FAAP20: variants seen among roughly 807,000 people sequenced by gnomAD.
The protein encoded by FAAP20 is FA core complex associated protein 20, also known as Fanconi anemia core complex-associated protein 20.
In FAAP20, 12 loss-of-function variants were observed where a neutral mutation model predicts 16.2. That is an observed-to-expected ratio of 0.74 (90% confidence interval 0.48 to 1.20). The LOEUF (loss-of-function observed/expected upper bound fraction) is 1.20. Among genes scored for constraint, FAAP20 ranks in the 50% most tolerant of loss-of-function variants. The pLI is 0.00. For synonymous variants in FAAP20, 141 were observed against 110.7 expected, an observed-to-expected ratio of 1.27 and a Z score of -1.72; for missense variants, 288 against 245.8, an observed-to-expected ratio of 1.17 and a Z score of -1.15.
chr1:2,188,750 A>C (rs757794871), downstream of FAAP20, among the ~76,000 whole-genome samples: 5 of 152,244 alleles, frequency 3.3e-5, no homozygotes, highest in Admixed American at 2.6e-4. Context: ...TCACGCCTGT[A>C]ATCCCAGCAC....
chr1:2,187,313 T>G (rs973433886), downstream of FAAP20: 13 of 394,106 alleles, frequency 3.3e-5, no homozygotes, highest in Admixed American at 3.3e-4. Flanking sequence ...CTTTTTTTTT[T>G]CTTTTTTTTG....
intron 3 of FAAP20, chr1:2,190,305 C>G (rs1364650036): frequency 2.2e-6 from 1 of 456,464 alleles, no homozygotes; most frequent in Admixed American, 2.3e-5. Context: ...GTGCAGGCTG[C>G]CAACCTGCCA....
upstream of FAAP20, among the ~76,000 whole-genome samples, chr1:2,204,413 T>C (rs998511333): frequency 6.6e-6 from 1 of 152,212 alleles, no homozygotes; most frequent in African/African-American, 2.4e-5. Context: ...TTCTCCCAAA[T>C]AGTGACTTCC....
In FAAP20 at chr1:2,189,673, G is replaced by C. The variant is rs376647953; in HGVS notation, c.*36C>G. 1.6e-5 allele frequency: 25 copies of C among 1,590,086 alleles called. No homozygotes were observed. Among genetic ancestry groups the C allele is most frequent in the Admixed American group, 5.0e-5 (3 of 59,810 alleles). On this transcript the variant is annotated 3_prime_UTR_variant, in exon 4 of 4. Coordinates refer to ENST00000378546, the MANE Select transcript of FAAP20 (RefSeq NM_182533.4). ...GCTGCTGGCGGGGGAGAGCGTGTCC[G>C]GGCGCCGCACTCTGCGCAGGGCTCT...
At chr1:2,186,125 C>G (rs1327978816), downstream of FAAP20, 1 of 451,416 alleles carries the variant, frequency 2.2e-6, no homozygotes, top group Non-Finnish European at 4.5e-6. Flanking sequence ...GTCGCGCCAC[C>G]TCATGCCTCT....
chr1:2,195,214 G>C (rs1175539326), upstream of FAAP20, among the ~76,000 whole-genome samples: 3 of 152,262 alleles, frequency 2.0e-5, no homozygotes, highest in African/African-American at 7.2e-5. Flanking sequence ...GGGAACTCAA[G>C]CTCCTTAACC....
At chr1:2,185,321 C>T (rs576203350), downstream of FAAP20, 3 of 718,738 alleles carry the variant, frequency 4.2e-6, no homozygotes, top group African/African-American at 1.7e-5. Context: ...AAACAGAACT[C>T]GATGCACTGA....
chr1:2,201,965 C>T (rs1196970342), upstream of FAAP20, among the ~76,000 whole-genome samples: 1 of 148,194 alleles, frequency 6.7e-6, no homozygotes, highest in African/African-American at 2.5e-5. Context: ...TGCAGTGAGC[C>T]GAGATAGTGC....
rs1321864115 is a variant in FAAP20, at chr1:2,194,088, C to T, written c.108G>A (p.Arg36=). ...GCAGTAGCTCGGCCCAGAGCCGCTC[C>T]CGCTCATCACCCCCCAGGAGAAACC... ...RPWFLLGGDE[R]ERLWAELLRT... The change falls in exon 2 of 4, where the codon CGG becomes CGA. Residue 36 remains arginine, a synonymous_variant. Transcript: ENST00000378546. 1 of 1,612,544 alleles carries T rather than the reference C, an allele frequency of 6.2e-7. No individual in the cohort carries two copies. Among genetic ancestry groups the T allele is most frequent in the Admixed American group, 1.7e-5 (1 of 60,014 alleles).
chr1:2,202,387 G>A (rs1165388360), upstream of FAAP20, among the ~76,000 whole-genome samples: 5 of 152,222 alleles, frequency 3.3e-5, no homozygotes, highest in Non-Finnish European at 7.3e-5. Flanking sequence ...TGCCCAGGCT[G>A]GAGTGCAGTG....
chr1:2,207,909 CGTGT>C (rs58549960), downstream of FAAP20, among the ~76,000 whole-genome samples: 7,358 of 145,616 alleles, frequency 0.051, 208 homozygotes, highest in African/African-American at 0.058. Context: ...TGGTAACACC[CGTGT>C]GTGTGTGTGT....
intron 3 of FAAP20, 28 bp from the exon 4 acceptor site, chr1:2,189,809 G>C (rs757889894): frequency 6.4e-6 from 10 of 1,565,578 alleles, no homozygotes. Context: ...CACTCACTCG[G>C]CCACCTCCGC....
At chr1:2,203,698 C>G (rs1357539619), upstream of FAAP20, 3 of 964,120 alleles carry the variant, frequency 3.1e-6, no homozygotes, top group Admixed American at 1.8e-4. Context: ...TGCCTCAAAT[C>G]CCCTGTTCCT....
At chr1:2,184,669 C>T (rs140890348), downstream of FAAP20, 24 of 1,613,836 alleles carry the variant, frequency 1.5e-5, no homozygotes, top group South Asian at 5.5e-5. Context: ...AGTTCACCAG[C>T]GAGCCCGTGC....
chr1:2,185,145 A>G, downstream of FAAP20: 1 of 874,136 alleles, frequency 1.1e-6, no homozygotes, highest in Non-Finnish European at 1.8e-6. Context: ...CCGCAGAGGG[A>G]AGCGTCAGCG....
chr1:2,191,299 G>A (rs536083151), intron 3 of FAAP20: 3 of 152,498 alleles, frequency 2.0e-5, no homozygotes, highest in East Asian at 1.9e-4. Flanking sequence ...CTGCTCAGTA[G>A]CTGAGCACGC....
At chr1:2,188,567 C>T (rs1687812375), downstream of FAAP20, among the ~76,000 whole-genome samples, 1 of 152,214 alleles carries the variant, frequency 6.6e-6, no homozygotes, top group Admixed American at 6.5e-5. Context: ...AGGCGCCGCC[C>T]CGACCTCCTG....
chr1:2,200,595 G>A, upstream of FAAP20: 1 of 977,598 alleles, frequency 1.0e-6, no homozygotes, highest in Non-Finnish European at 1.2e-6. Flanking sequence ...CCTGAACTGT[G>A]AGAATATACA....
rs370416040 is a variant in FAAP20, at chr1:2,189,659, G to A, written c.*50C>T. On this transcript the variant is annotated 3_prime_UTR_variant, in exon 4 of 4. Transcript: ENST00000378546. Reference sequence around the variant, plus strand: ...AGCCGAGAGGCGGGGCTGCTGGCGGGGGAGAGCGTGTCCGGGCGCCGCACT... The same window carrying A: ...AGCCGAGAGGCGGGGCTGCTGGCGGAGGAGAGCGTGTCCGGGCGCCGCACT... 22 of 1,507,058 alleles carry A rather than the reference G, an allele frequency of 1.5e-5. No homozygotes were observed. The highest frequency in any genetic ancestry group is 1.0e-4 in the South Asian group (9 of 88,554). The allele number at this position is 1,507,058 out of a possible 1,614,324, so 93.4% of individuals were successfully genotyped here.
Sources: allele counts gnomAD v4.1 joint callset (sites outside exome capture counted in the v4.1 genomes callset), GRCh38; gene constraint gnomAD v4.1.1; transcripts MANE v1.5; gene names NCBI Gene and HGNC (gene_info 2026-07-23, HGNC 2026-07-21).